The following LRP2 variants were observed in gnomAD, a reference collection of about 807,000 sequenced individuals.
The protein encoded by LRP2 is low-density lipoprotein receptor-related protein 2.
In LRP2, 172 loss-of-function variants were observed where a neutral mutation model predicts 531.0. The ratio of observed to expected loss-of-function variants is 0.32; its 90% confidence interval spans 0.29 to 0.37. The LOEUF is 0.37. Among genes scored for constraint, LRP2 ranks in the 10% least tolerant of loss-of-function variants. LRP2 has a pLI of 1.00. For missense variants in LRP2, 5,167 were observed against 5,868.3 expected, an observed-to-expected ratio of 0.88 and a Z score of 3.90; for synonymous variants, 1,992 against 2,027.6, an observed-to-expected ratio of 0.98 and a Z score of 0.47.
rs2105321999 is a variant in LRP2, at chr2:169,128,740, G to C, written c.13891C>G (p.Pro4631Ala). The part of the protein sequence containing the change: ...AKPKPPSRRD[P>A]TPTYSATEDT... ...TCTGTTGCAGAATAGGTTGGAGTTG[G>C]GTCTCTTCTCGAAGGAGGCTTAGGC... The change falls in exon 79 of 79, where the codon CCA (proline) becomes GCA (alanine). Residue 4631 changes from proline (P) to alanine (A), a missense_variant. Around this residue, in one of 6 missense-constraint regions of LRP2, gnomAD observed 348 missense variants for 369.3 expected, o/e 0.94. Coordinates refer to ENST00000649046, the MANE Select transcript of LRP2 (RefSeq NM_004525.3). 6.2e-7 allele frequency: 1 copy of C among 1,614,050 alleles called. No individual in the cohort carries two copies. Among genetic ancestry groups the C allele is most frequent in the Non-Finnish European group, 8.5e-7 (1 of 1,179,974 alleles).
intron 44 of LRP2, among the ~76,000 whole-genome samples, chr2:169,199,728 C>T (rs1336520785): frequency 1.3e-5 from 2 of 152,064 alleles, no homozygotes; most frequent in East Asian, 3.8e-4. Flanking sequence ...TCTAGTGGGA[C>T]ATAATCTAAA....
chr2:169,298,152 C>A (rs2222020), intron 4 of LRP2, among the ~76,000 whole-genome samples: 81,624 of 151,382 alleles, frequency 0.54, 23,095 homozygotes, highest in Middle Eastern at 0.71. Context: ...AGTTTGGCCA[C>A]CAGCACTTAC....
At chr2:169,279,153 A>T (rs1056701267) in intron 12 of LRP2, among the ~76,000 whole-genome samples, 1 of 152,120 alleles carries the variant, frequency 6.6e-6, no homozygotes, top group Non-Finnish European at 1.5e-5. Flanking sequence ...TTAGTACACC[A>T]CTAGGTGTGT....
At chr2:169,236,942 G>A (rs1018572859) in intron 28 of LRP2, among the ~76,000 whole-genome samples, 161 bp downstream of exon 28, 1 of 152,166 alleles carries the variant, frequency 6.6e-6, no homozygotes, top group Non-Finnish European at 1.5e-5. Context: ...TTCAGATGAA[G>A]GAGAGATAGC....
At position 169,320,451 on chromosome 2, in the gene LRP2, CAG is replaced by C. The variant is rs1168686108; in HGVS notation, c.187+324_187+325del. Among the ~76,000 whole-genome samples the C allele has an allele frequency of 2.0e-5, 3 of 152,284 alleles. No homozygotes were observed. The South Asian group carries it at 6.2e-4, about 32-fold the overall frequency. Reference sequence around the variant, plus strand: ...TGTTCTTGTGGGTACACAAAATTTACAGAGTGAATATTAGAAATAATCACCTA... The same window carrying C: ...TGTTCTTGTGGGTACACAAAATTTACAGTGAATATTAGAAATAATCACCTA... On this transcript the variant is annotated intron_variant, in intron 2 of 78. Coordinates refer to ENST00000649046, the MANE Select transcript of LRP2 (RefSeq NM_004525.3).
intron 19 of LRP2, among the ~76,000 whole-genome samples, chr2:169,254,564 A>G (rs1413046984): frequency 2.4e-4 from 19 of 79,468 alleles, no homozygotes; most frequent in African/African-American, 9.8e-4. Flanking sequence ...TAGTGGGTGC[A>G]GCGCACCAGC....
intron 1 of LRP2, among the ~76,000 whole-genome samples, chr2:169,353,896 G>T (rs756770822): frequency 6.6e-6 from 1 of 152,236 alleles, no homozygotes; most frequent in East Asian, 1.9e-4. Context: ...GGGGTTAAGC[G>T]GAGAGGATCT....
rs370924677 is a variant in LRP2, at chr2:169,182,331, A to G, written c.9846-12T>C. The G allele has an allele frequency of 9.9e-6, 16 of 1,612,954 alleles. No homozygotes were observed. The highest frequency in any genetic ancestry group is 1.4e-5 in the Non-Finnish European group (16 of 1,179,856). The stretch of plus-strand genomic sequence containing the variant: ...ACCAGTAGAGCTTTCTAAAATGGAG[A>G]GCCAGGAGTTAACCAATACAGTCAC... On this transcript the variant is annotated splice_polypyrimidine_tract_variant and intron_variant, in intron 50 of 78. Transcript: ENST00000649046.
intron 3 of LRP2, among the ~76,000 whole-genome samples, chr2:169,311,571 G>T (rs950108574): frequency 3.9e-5 from 6 of 152,188 alleles, no homozygotes; most frequent in Admixed American, 2.6e-4. Context: ...GAGACAGTTT[G>T]TTATAATTTC....
At chr2:169,242,017 GC>G (rs1273754944) in intron 24 of LRP2, among the ~76,000 whole-genome samples, 1 of 152,212 alleles carries the variant, frequency 6.6e-6, no homozygotes. Flanking sequence ...TTTAACCTCA[GC>G]TCATCACAGA....
chr2:169,330,719 A>G (rs113217238), intron 1 of LRP2, among the ~76,000 whole-genome samples: 160 of 152,248 alleles, frequency 1.1e-3, no homozygotes, highest in African/African-American at 3.5e-3. Flanking sequence ...TCACGGTGAC[A>G]AAAACACTCC....
intron 14 of LRP2, 78 bp downstream of exon 14, chr2:169,274,955 CATT>C (rs1479750832): frequency 7.3e-7 from 1 of 1,366,154 alleles, no homozygotes; most frequent in African/African-American, 1.4e-5. Flanking sequence ...TAAGACCCCT[CATT>C]ATTAACTTTC....
intron 1 of LRP2, among the ~76,000 whole-genome samples, chr2:169,346,317 T>A (rs925060653): frequency 6.6e-6 from 1 of 152,240 alleles, no homozygotes; most frequent in African/African-American, 2.4e-5. Flanking sequence ...AAACCATGCA[T>A]TTTGTTTTTC....
At chr2:169,204,293 T>C (rs780373414) in intron 41 of LRP2, 22 bp from the exon 42 acceptor site, 1 of 1,605,410 alleles carries the variant, frequency 6.2e-7, no homozygotes, top group South Asian at 1.1e-5. Flanking sequence ...CAAAAAAAAA[T>C]TTAGAAGTTG....
At chr2:169,334,227 G>T (rs1685341982) in intron 1 of LRP2, among the ~76,000 whole-genome samples, 1 of 152,058 alleles carries the variant, frequency 6.6e-6, no homozygotes, top group Admixed American at 6.5e-5. Context: ...TAAAATTTTA[G>T]AATTTTAATG....
intron 76 of LRP2, among the ~76,000 whole-genome samples, chr2:169,136,609 G>C (rs920505945): frequency 6.6e-6 from 1 of 151,642 alleles, no homozygotes; most frequent in Non-Finnish European, 1.5e-5. Context: ...GGCTCATCTG[G>C]CTCAAAAACT....
At chr2:169,157,102 C>A (rs1686359027) in intron 64 of LRP2, among the ~76,000 whole-genome samples, 1 of 152,148 alleles carries the variant, frequency 6.6e-6, no homozygotes, top group African/African-American at 2.4e-5. Flanking sequence ...AAGCAGCCAT[C>A]ATCACCAAGG....
At position 169,140,440 on chromosome 2, in the gene LRP2, A is replaced by C. The variant is rs762286306; in HGVS notation, c.13199+15T>G. 29 of 1,609,298 alleles carry C rather than the reference A, an allele frequency of 1.8e-5. 1 individual carries two copies. Among genetic ancestry groups the C allele is most frequent in the Non-Finnish European group, 2.5e-5 (29 of 1,175,690 alleles). Reference sequence around the variant, plus strand: ...AGGCAAGGCCTATAGCTGGGACCTCAACATTCAGACTTACTTGCATTTGGG... The same window carrying C: ...AGGCAAGGCCTATAGCTGGGACCTCCACATTCAGACTTACTTGCATTTGGG... On this transcript the variant is annotated intron_variant, in intron 72 of 78. Coordinates refer to ENST00000649046, the MANE Select transcript of LRP2 (RefSeq NM_004525.3).
At chr2:169,243,123 T>A in intron 23 of LRP2, 51 bp from the exon 24 acceptor site, 1 of 1,393,984 alleles carries the variant, frequency 7.2e-7, no homozygotes, top group Non-Finnish European at 1.0e-6. Context: ...CTAAAATGAC[T>A]AAACACTGAG....
Sources: gnomAD v4.1 joint callset for allele counts (sites outside exome capture counted in the v4.1 genomes callset) on GRCh38, gnomAD v4.1.1 for gene constraint, gnomAD v4.1.1 regional missense constraint, MANE v1.5 for transcripts, NCBI Gene and HGNC (gene_info 2026-07-23, HGNC 2026-07-21) for gene names.